NSUN4: variants seen among roughly 807,000 people sequenced by gnomAD.
NSUN4 encodes 5-cytosine rRNA methyltransferase NSUN4.
A neutral mutation model predicts 43.8 loss-of-function variants in NSUN4; 31 were observed. That is an observed-to-expected ratio of 0.71 (90% CI 0.53 to 0.96). The LOEUF (loss-of-function observed/expected upper bound fraction) is 0.96. NSUN4 is among the 40% of genes least tolerant of loss of function. The probability of loss-of-function intolerance (pLI) is 0.00; values close to 1 mark genes in which losing one functional copy is unlikely to be tolerated. For synonymous variants in NSUN4, 167 were observed against 184.1 expected (o/e 0.91, Z 0.75); for missense variants, 439 against 475.6 (o/e 0.92, Z 0.72).
chr1:46,374,287 A>C, the NSUN4 span, among the ~76,000 whole-genome samples: 3 of 111,822 alleles, frequency 2.7e-5, no homozygotes, highest in African/African-American at 7.0e-5. Context: ...TCTCTGTCTC[A>C]CCAAAAAAAA....
At position 46,346,968 on chromosome 1, in the gene NSUN4, C is replaced by T; in HGVS notation, c.485C>T (p.Ser162Phe). 1 of 1,614,154 alleles carries T rather than the reference C, an allele frequency of 6.2e-7. No homozygotes were observed. Among genetic ancestry groups the T allele is most frequent in the Non-Finnish European group, 8.5e-7 (1 of 1,180,010 alleles). ...VMEYYLMDAA[S>F]LLPVLALGLQ... ...GAGTACTACCTGATGGATGCTGCCT[C>T]CTTGCTGCCTGTTCTGGCCCTCGGC... The change falls in exon 3 of 6, where the codon TCC (serine) becomes TTC (phenylalanine). Residue 162 changes from serine to phenylalanine, a missense_variant. Physicochemically the swap from Ser to Phe is radical, Grantham distance 155 (BLOSUM62 -2). Coordinates refer to ENST00000474844, the MANE Select transcript of NSUN4 (RefSeq NM_199044.4).
chr1:46,375,656 G>T, the NSUN4 span, among the ~76,000 whole-genome samples: 1 of 145,184 alleles, frequency 6.9e-6, no homozygotes, highest in East Asian at 2.1e-4. Flanking sequence ...AGGATGGCTT[G>T]AGCTCGGCAG....
chr1:46,356,151 A>C (rs1056122006), intron 4 of NSUN4, among the ~76,000 whole-genome samples: 1 of 152,156 alleles, frequency 6.6e-6, no homozygotes, highest in Non-Finnish European at 1.5e-5. Context: ...GGCTCACTGC[A>C]GTCTTGACTT....
the NSUN4 span, among the ~76,000 whole-genome samples, chr1:46,379,232 G>A: frequency 2.6e-5 from 4 of 152,244 alleles, no homozygotes; most frequent in South Asian, 8.3e-4. Flanking sequence ...TAAATTGTCA[G>A]CACCCTAGGC....
At chr1:46,342,816 G>A in intron 1 of NSUN4, 1 of 398,048 alleles carries the variant, frequency 2.5e-6, no homozygotes. Context: ...TCTCTCCCTA[G>A]TCAACACTCC....
At chr1:46,373,253 A>G in the NSUN4 span, among the ~76,000 whole-genome samples, 1 of 152,156 alleles carries the variant, frequency 6.6e-6, no homozygotes, top group African/African-American at 2.4e-5. Context: ...CCATGCTCCT[A>G]GCCAACCTGC....
chr1:46,361,596 G>C lies in NSUN4; in HGVS notation c.905G>C (p.Gly302Ala). 3 of 1,614,098 alleles carry C rather than the reference G, an allele frequency of 1.9e-6. No individual in the cohort carries two copies. Among genetic ancestry groups the C allele is most frequent in the Non-Finnish European group, 2.5e-6 (3 of 1,179,988 alleles). Residue 302 changes from glycine to alanine, a missense_variant, in exon 6 of 6, where the codon GGA becomes GCA. Coordinates refer to ENST00000474844, the MANE Select transcript of NSUN4 (RefSeq NM_199044.4). ...LAAGLLATKP[G>A]GHVVYSTCSL... ...GCTGGACTCCTTGCCACCAAACCAGGAGGCCATGTTGTCTATTCTACCTGC... is the reference window on the plus strand; with the variant it reads ...GCTGGACTCCTTGCCACCAAACCAGCAGGCCATGTTGTCTATTCTACCTGC...
downstream of NSUN4, among the ~76,000 whole-genome samples, chr1:46,365,981 A>G (rs1664125465): frequency 6.6e-6 from 1 of 152,084 alleles, no homozygotes; most frequent in South Asian, 2.1e-4. Context: ...TGCAAAAATT[A>G]GCCGGGTGTG....
chr1:46,340,836 C>T lies in NSUN4; in HGVS notation c.10C>T (p.Leu4=). 6.2e-7 allele frequency: 1 copy of T among 1,611,380 alleles called. No homozygotes were observed. Among genetic ancestry groups the T allele is most frequent in the Non-Finnish European group, 8.5e-7 (1 of 1,178,944 alleles). Residue 4 remains leucine (L), a synonymous_variant, in exon 1 of 6, where the codon CTG becomes TTG. Transcript: ENST00000474844. MAA[L]TLRGVRELLK... ...CGTGGAGCACGCCGATATGGCTGCG[C>T]TGACACTGAGGGGTGTCCGGGAGCT...
downstream of NSUN4, among the ~76,000 whole-genome samples, chr1:46,366,704 CAAA>C (rs34437222): frequency 5.1e-5 from 3 of 59,404 alleles, no homozygotes; most frequent in African/African-American, 1.6e-4. Context: ...ACTAAAAATA[CAAA>C]AAAAAAAAAA....
intron 3 of NSUN4, among the ~76,000 whole-genome samples, chr1:46,351,571 A>T (rs917266040): frequency 6.3e-4 from 95 of 151,804 alleles, no homozygotes; most frequent in Non-Finnish European, 1.0e-3. Context: ...CACACCCATC[A>T]TCCCAGCACT....
intron 1 of NSUN4, chr1:46,341,597 GC>G (rs958749767): frequency 2.7e-5 from 33 of 1,203,626 alleles, no homozygotes; most frequent in Non-Finnish European, 3.3e-5. Flanking sequence ...TGACCGGCAC[GC>G]CCCCCTGCCC....
At chr1:46,355,833 G>A (rs993325603) in intron 4 of NSUN4, among the ~76,000 whole-genome samples, 1 of 152,054 alleles carries the variant, frequency 6.6e-6, no homozygotes, top group Non-Finnish European at 1.5e-5. Context: ...TGGCCAACGT[G>A]GTGAAACCCC....
chr1:46,349,156 T>A lies in NSUN4; in HGVS notation c.592+2081T>A, dbSNP rs1662783510. Reference sequence around the variant, plus strand: ...GGTTTGTTTTTTTGTTTTTTTTTTTTTGAGACGGAGTCTTGTTCTGTCACC... The same window carrying A: ...GGTTTGTTTTTTTGTTTTTTTTTTTATGAGACGGAGTCTTGTTCTGTCACC... On this transcript the variant is annotated intron_variant, in intron 3 of 5. Coordinates refer to ENST00000474844, the MANE Select transcript of NSUN4 (RefSeq NM_199044.4). Among the ~76,000 whole-genome samples the A allele has an allele frequency of 9.3e-5, 14 of 150,396 alleles. No individual in the cohort carries two copies. The South Asian group carries it at 3.0e-3, about 32-fold the overall frequency.
intron 4 of NSUN4, among the ~76,000 whole-genome samples, chr1:46,358,398 A>ATTTTT (rs34719174): frequency 5.2e-5 from 5 of 95,456 alleles, no homozygotes; most frequent in African/African-American, 4.3e-5. Context: ...TCCTGGCCTA[A>ATTTTT]TTTTTTTTTT....
At chr1:46,349,554 C>A (rs1259808017) in intron 3 of NSUN4, among the ~76,000 whole-genome samples, 1 of 152,198 alleles carries the variant, frequency 6.6e-6, no homozygotes, top group Non-Finnish European at 1.5e-5. Context: ...CACACCTAAC[C>A]TGGAGCTCAG....
At chr1:46,343,298 CCCTTTGAGAACACCCTTTGAT>C (rs1231367050) in intron 1 of NSUN4, 2 of 399,680 alleles carry the variant, frequency 5.0e-6, no homozygotes, top group African/African-American at 4.1e-5. Context: ...ATTCTTTTAT[CCCTTTGAGAACACCCTTTGAT>C]CCTCAAAGTT....
downstream of NSUN4, chr1:46,365,148 A>G (rs1466392756): frequency 6.6e-6 from 1 of 152,044 alleles, no homozygotes; most frequent in Non-Finnish European, 1.5e-5. Context: ...TGTTTTTGAG[A>G]TTCAGTTTGT....
Position 46,363,926 on chromosome 1 carries a change from C to G in NSUN4, c.*2080C>G, listed in dbSNP as rs1664027778. ...TTTCTATGGAGTTATTCTTTACATACAATATAGTTCATAAATTTTAAATAT... is the reference window on the plus strand; with the variant it reads ...TTTCTATGGAGTTATTCTTTACATAGAATATAGTTCATAAATTTTAAATAT... On this transcript the variant is annotated 3_prime_UTR_variant, in exon 6 of 6. Coordinates refer to ENST00000474844, the MANE Select transcript of NSUN4 (RefSeq NM_199044.4). The G allele has an allele frequency of 6.6e-6, 1 of 151,932 alleles. No individual in the cohort carries two copies. The highest frequency in any genetic ancestry group is 1.5e-5 in the Non-Finnish European group (1 of 67,998). 9.4% of individuals were successfully genotyped at this position (151,932 alleles called of 1,614,324 possible).
Sources: allele counts gnomAD v4.1 joint callset (sites outside exome capture counted in the v4.1 genomes callset), GRCh38; gene constraint gnomAD v4.1.1; transcripts MANE v1.5; gene names NCBI Gene and HGNC (gene_info 2026-07-23, HGNC 2026-07-21).